ATG7: variants seen among roughly 807,000 people sequenced by gnomAD.
ATG7 encodes the protein autophagy related 7.
A neutral mutation model predicts 82.4 loss-of-function variants in ATG7; 70 were observed. The ratio of observed to expected loss-of-function variants is 0.85; its 90% CI spans 0.70 to 1.04. The LOEUF (loss-of-function observed/expected upper bound fraction) is 1.04, where lower values mean the gene tolerates loss of function less well. Among genes scored for constraint, ATG7 ranks in the 50% least tolerant of loss-of-function variants. ATG7 has a pLI of 0.00. For synonymous variants in ATG7, 287 were observed against 313.0 expected, an observed-to-expected ratio of 0.92 and a Z score of 0.88; for missense variants, 792 against 864.3, an observed-to-expected ratio of 0.92 and a Z score of 1.05.
At chr3:11,321,133 G>C (rs902454209) in intron 9 of ATG7, among the ~76,000 whole-genome samples, 1 of 152,200 alleles carries the variant, frequency 6.6e-6, no homozygotes. Context: ...ATCCACATGT[G>C]CACACAGTTC....
intron 20 of ATG7, among the ~76,000 whole-genome samples, chr3:11,490,470 T>C (rs375637771): frequency 5.1e-4 from 77 of 150,028 alleles, no homozygotes; most frequent in African/African-American, 1.8e-3. Context: ...AGTCCATTTA[T>C]ATTTAAAGTT....
At chr3:11,462,261 C>T (rs2086382807) in intron 20 of ATG7, among the ~76,000 whole-genome samples, 1 of 151,932 alleles carries the variant, frequency 6.6e-6, no homozygotes, top group Non-Finnish European at 1.5e-5. Flanking sequence ...TTGCTAAGGG[C>T]TGTTTTATGT....
At chr3:11,461,216 GAC>G (rs1249577355) in intron 20 of ATG7, among the ~76,000 whole-genome samples, 1 of 152,174 alleles carries the variant, frequency 6.6e-6, no homozygotes, top group Non-Finnish European at 1.5e-5. Context: ...GAAATGCAGA[GAC>G]AGCCTGCACT....
intron 19 of ATG7, among the ~76,000 whole-genome samples, chr3:11,389,743 C>T (rs868620859): frequency 3.9e-5 from 6 of 152,176 alleles, no homozygotes; most frequent in Admixed American, 2.0e-4. Context: ...CAGCCTCCCA[C>T]GAGGACTACT....
intron 9 of ATG7, among the ~76,000 whole-genome samples, chr3:11,318,750 C>G (rs1283233977): frequency 6.6e-6 from 1 of 152,220 alleles, no homozygotes; most frequent in Non-Finnish European, 1.5e-5. Flanking sequence ...ATCCTGTGCT[C>G]TGGCTACCCC....
intron 20 of ATG7, among the ~76,000 whole-genome samples, chr3:11,543,152 A>G (rs140857608): frequency 4.6e-5 from 7 of 152,238 alleles, no homozygotes; most frequent in African/African-American, 1.7e-4. Context: ...TTCTCCTTTT[A>G]ATCTCCTCAT....
chr3:11,572,365 C>T, the ATG7 span, among the ~76,000 whole-genome samples: 5 of 152,176 alleles, frequency 3.3e-5, no homozygotes, highest in African/African-American at 1.2e-4. Context: ...CAAAGCCTTT[C>T]CATTTTCCGG....
rs536086177 is a variant in ATG7, at chr3:11,437,442, C to A, written c.2079+10516C>A. On this transcript the variant is annotated intron_variant, in intron 20 of 20. Coordinates refer to ENST00000693202, the MANE Select transcript of ATG7 (RefSeq NM_001349232.2). ...AGTTGGCTCCATCCATAGAAGACAT[C>A]GCAGATAAAGGGGTTAGGGGAAGAT... 1.1e-4 allele frequency among the ~76,000 whole-genome samples: 16 copies of A among 152,142 alleles called. No individual in the cohort carries two copies. In the South Asian group the frequency reaches 1.4e-3, roughly 14 times the overall value.
intron 19 of ATG7, among the ~76,000 whole-genome samples, chr3:11,391,960 G>C (rs890924438): frequency 2.9e-5 from 4 of 139,338 alleles, no homozygotes; most frequent in South Asian, 2.5e-4. Context: ...GTACTTATTG[G>C]GGGGGGGGTA....
intron 20 of ATG7, among the ~76,000 whole-genome samples, chr3:11,495,852 T>G (rs1559748909): frequency 6.6e-6 from 1 of 152,248 alleles, no homozygotes; most frequent in East Asian, 1.9e-4. Context: ...TCCCTTTATT[T>G]TCTCTTAATG....
intron 20 of ATG7, chr3:11,477,029 G>C (rs1043747413): frequency 3.5e-6 from 4 of 1,149,048 alleles, no homozygotes; most frequent in Non-Finnish European, 4.6e-6. Context: ...GTCATTAAAT[G>C]ATTGTTATGC....
intron 7 of ATG7, among the ~76,000 whole-genome samples, chr3:11,312,494 T>C (rs931181866): frequency 6.6e-6 from 1 of 152,218 alleles, no homozygotes; most frequent in Non-Finnish European, 1.5e-5. Flanking sequence ...ATGTAACCTC[T>C]TCTATTCACC....
At chr3:11,567,047 C>T in the ATG7 span, among the ~76,000 whole-genome samples, 10 of 152,212 alleles carry the variant, frequency 6.6e-5, no homozygotes, top group African/African-American at 1.9e-4. Flanking sequence ...AGTCGGTGAG[C>T]TGCTAAGGGC....
chr3:11,574,785 A>ATGTATG, the ATG7 span, among the ~76,000 whole-genome samples: 11 of 121,780 alleles, frequency 9.0e-5, no homozygotes, highest in African/African-American at 3.5e-4. Flanking sequence ...TCAACTATAT[A>ATGTATG]TGTGTGTGTG....
chr3:11,559,887 G>A (rs556198515), downstream of ATG7, among the ~76,000 whole-genome samples: 3 of 151,806 alleles, frequency 2.0e-5, no homozygotes, highest in Non-Finnish European at 2.9e-5. Flanking sequence ...TTCAATACAC[G>A]GCAATTAACT....
intron 12 of ATG7, among the ~76,000 whole-genome samples, 176 bp downstream of exon 12, chr3:11,340,911 A>G (rs1953464029): frequency 6.6e-6 from 1 of 152,084 alleles, no homozygotes; most frequent in Non-Finnish European, 1.5e-5. Context: ...TTAACAATGC[A>G]TATCCTGAAG....
chr3:11,471,175 G>A (rs998795129), intron 20 of ATG7, among the ~76,000 whole-genome samples: 2 of 152,084 alleles, frequency 1.3e-5, no homozygotes, highest in Non-Finnish European at 2.9e-5. Flanking sequence ...ACTTCCAAAG[G>A]CTGGCTAGCC....
At position 11,429,946 on chromosome 3, in the gene ATG7, A is replaced by AG. The variant is rs1173048186; in HGVS notation, c.2079+3022dup. ...GGGCGACAGAGCGAGACTCTGTCTC[A>AG]GGAAAAAAAAAAAAAAAAAAAATTC... is the stretch of plus-strand genomic sequence containing the variant. On this transcript the variant is annotated intron_variant, in intron 20 of 20. Coordinates refer to ENST00000693202, the MANE Select transcript of ATG7 (RefSeq NM_001349232.2). Among the ~76,000 whole-genome samples the AG allele has an allele frequency of 5.8e-4, 39 of 67,278 alleles. No homozygotes were observed. The East Asian group carries it at 0.024, about 41-fold the overall frequency. 44.1% of individuals were successfully genotyped at this position (67,278 alleles called of 152,430 possible).
In ATG7 at chr3:11,554,824, G is replaced by A. The variant is rs773293005; in HGVS notation, c.2093G>A (p.Ser698Asn). The A allele has an allele frequency of 2.5e-6, 4 of 1,613,432 alleles. No homozygotes were observed. The highest frequency in any genetic ancestry group is 4.5e-5 in the East Asian group (2 of 44,850). ...ETQAAEIWDMSDDETI is the reference protein window; with the variant it reads ...ETQAAEIWDMNDDETI ...TTCTCCATGCAGATCTGGGACATGA[G>A]CGATGATGAGACCATCTGAGATGGC... Residue 698 changes from serine to asparagine, a missense_variant, in exon 21 of 21, where the codon AGC (serine) becomes AAC (asparagine). Coordinates refer to ENST00000693202, the MANE Select transcript of ATG7 (RefSeq NM_001349232.2).
Sources: gnomAD v4.1 joint callset for allele counts (sites outside exome capture counted in the v4.1 genomes callset) on GRCh38, gnomAD v4.1.1 for gene constraint, MANE v1.5 for transcripts, NCBI Gene and HGNC (gene_info 2026-07-23, HGNC 2026-07-21) for gene names.